The following DCTD variants were observed in gnomAD, a reference collection of about 807,000 sequenced individuals.
DCTD encodes the protein dCMP deaminase, also known as deoxycytidylate deaminase.
DCTD carries 23 observed loss-of-function variants against 21.0 expected under a neutral mutation model. The observed-to-expected ratio is 1.09, with a 90% CI of 0.79 to 1.55. DCTD has a LOEUF of 1.55. DCTD is among the 40% of genes most tolerant of loss of function. DCTD has a pLI of 0.00. For missense variants in DCTD, 224 were observed against 230.0 expected (o/e 0.97, Z 0.17); for synonymous variants, 71 against 81.1 (o/e 0.88, Z 0.67).
intron 3 of DCTD, among the ~76,000 whole-genome samples, chr4:182,903,890 A>T (rs994879709): frequency 1.6e-4 from 25 of 152,146 alleles, no homozygotes; most frequent in Non-Finnish European, 1.0e-4. Context: ...AAATAGAGAG[A>T]AAAGTCCCTC....
In DCTD at chr4:182,913,514, T is replaced by C. The variant is rs545968351; in HGVS notation, c.244+1409A>G. Among the ~76,000 whole-genome samples, 6 of 152,334 alleles carry C rather than the reference T, an allele frequency of 3.9e-5. No homozygotes were observed. In the East Asian group the frequency reaches 1.2e-3, roughly 29 times the overall value. ...TAACATGATTGAGGTCCAGGAACAT[T>C]AGTAAAAATATATAAATTAGACTAA... On this transcript the variant is annotated intron_variant, in intron 3 of 5. Transcript: ENST00000438320.
chr4:182,910,197 A>G (rs1053181666), intron 3 of DCTD, among the ~76,000 whole-genome samples: 1 of 152,172 alleles, frequency 6.6e-6, no homozygotes, highest in Non-Finnish European at 1.5e-5. Context: ...CCAAGCACAG[A>G]GGCACTCACC....
At chr4:182,893,387 C>A (rs1734165902) in intron 4 of DCTD, among the ~76,000 whole-genome samples, 1 of 152,122 alleles carries the variant, frequency 6.6e-6, no homozygotes, top group Admixed American at 6.5e-5. Flanking sequence ...AGTAGTCAAG[C>A]CTTGATCCGA....
At chr4:182,915,406 G>T in intron 2 of DCTD, 55 bp downstream of exon 2, 1 of 1,164,172 alleles carries the variant, frequency 8.6e-7, no homozygotes, top group South Asian at 1.2e-5. Context: ...CTGCTCATGT[G>T]CAGTAATCTC....
rs959160859 is a variant in DCTD at position 182,891,130 on chromosome 4, C to T, written c.*269G>A. On this transcript the variant is annotated 3_prime_UTR_variant, in exon 6 of 6. Coordinates refer to ENST00000438320, the MANE Select transcript of DCTD (RefSeq NM_001921.3). Reference sequence around the variant, plus strand: ...CCACCAGCATCCCAGCCAGCCAGGACACAAGAAGGGGAGGCACTCTCGTTC... The same window carrying T: ...CCACCAGCATCCCAGCCAGCCAGGATACAAGAAGGGGAGGCACTCTCGTTC... 1.1e-5 allele frequency: 4 copies of T among 360,038 alleles called. No individual in the cohort carries two copies. The highest frequency in any genetic ancestry group is 2.0e-5 in the Non-Finnish European group (4 of 199,470). 22.3% of individuals were successfully genotyped at this position (360,038 alleles called of 1,614,324 possible).
At chr4:182,917,456 G>A (rs1738951322), upstream of DCTD, 2 of 596,650 alleles carry the variant, frequency 3.4e-6, no homozygotes, top group Non-Finnish European at 4.3e-6. This position sits in a 1 kb window ranked among gnomAD's most constrained non-coding sequence, Gnocchi z 4.9. Flanking sequence ...GACGGCGGCT[G>A]GCCCCGGGGG....
At chr4:182,914,603 G>A (rs1214350731) in intron 3 of DCTD, among the ~76,000 whole-genome samples, 3 of 152,228 alleles carry the variant, frequency 2.0e-5, no homozygotes, top group Non-Finnish European at 4.4e-5. Context: ...GCAAGGGGCT[G>A]TGACCCTCTG....
intron 3 of DCTD, among the ~76,000 whole-genome samples, chr4:182,896,419 T>C (rs1734739521): frequency 6.6e-6 from 1 of 152,222 alleles, no homozygotes; most frequent in African/African-American, 2.4e-5. Context: ...CAGTCCTGCC[T>C]AAAACTGAGC....
At chr4:182,907,334 C>T (rs1736903028) in intron 3 of DCTD, among the ~76,000 whole-genome samples, 2 of 152,122 alleles carry the variant, frequency 1.3e-5, no homozygotes, top group Non-Finnish European at 1.5e-5. Context: ...GACGGGATTT[C>T]GCCATGTTGC....
chr4:182,898,360 C>T (rs139160154), intron 3 of DCTD, among the ~76,000 whole-genome samples: 5 of 152,308 alleles, frequency 3.3e-5, no homozygotes, highest in Admixed American at 6.5e-5. Context: ...GCTTGGAAGC[C>T]GGATGACCTT....
At chr4:182,910,790 G>T (rs1737536743) in intron 3 of DCTD, among the ~76,000 whole-genome samples, 1 of 152,074 alleles carries the variant, frequency 6.6e-6, no homozygotes, top group Middle Eastern at 3.2e-3. Flanking sequence ...GTTTTATGAA[G>T]TTTTGATCCC....
intron 3 of DCTD, among the ~76,000 whole-genome samples, chr4:182,896,171 G>A (rs3886768): frequency 0.19 from 29,448 of 152,030 alleles, 3,099 homozygotes; most frequent in Non-Finnish European, 0.24. Context: ...TTTCAGTCCC[G>A]ACTCACTTGC....
Position 182,890,777 on chromosome 4 carries a change from A to T in DCTD, c.*622T>A, listed in dbSNP as rs1010655057. 11 of 152,390 alleles carry T rather than the reference A, an allele frequency of 7.2e-5. No individual in the cohort carries two copies. Among genetic ancestry groups the T allele is most frequent in the African/African-American group, 2.7e-4 (11 of 41,468 alleles). The allele number at this position is 152,390 out of a possible 1,614,324, so 9.4% of individuals were successfully genotyped here. A position where few individuals can be genotyped will look rare whatever the true frequency, so the allele number is the denominator to read the frequency against. On this transcript the variant is annotated 3_prime_UTR_variant, in exon 6 of 6. Coordinates refer to ENST00000438320, the MANE Select transcript of DCTD (RefSeq NM_001921.3). Reference sequence around the variant, plus strand: ...ACCACCCTGTGTGCAGTGGGAGAGCAGGAATGGAGGAAATATTCCTGGTTC... The same window carrying T: ...ACCACCCTGTGTGCAGTGGGAGAGCTGGAATGGAGGAAATATTCCTGGTTC...
Position 182,890,342 on chromosome 4 carries a change from G to A in DCTD, c.*1057C>T, listed in dbSNP as rs1276036739. On this transcript the variant is annotated 3_prime_UTR_variant, in exon 6 of 6. Coordinates refer to ENST00000438320, the MANE Select transcript of DCTD (RefSeq NM_001921.3). ...ACAGCCACACGCTCCCCGCCCCGCG[G>A]TGATTAGGAAGGTGATGCTTGTGTA... 1 of 152,278 alleles carries A rather than the reference G, an allele frequency of 6.6e-6. No individual in the cohort carries two copies. The highest frequency in any genetic ancestry group is 6.5e-5 in the Admixed American group (1 of 15,286). 9.4% of individuals were successfully genotyped at this position (152,278 alleles called of 1,614,324 possible).
intron 3 of DCTD, among the ~76,000 whole-genome samples, chr4:182,914,244 G>A (rs1738271929): frequency 6.6e-6 from 1 of 152,222 alleles, no homozygotes; most frequent in Non-Finnish European, 1.5e-5. Context: ...CTGACCTCAG[G>A]TGATCTGCCC....
At chr4:182,912,268 T>A (rs1383873859) in intron 3 of DCTD, among the ~76,000 whole-genome samples, 1 of 152,150 alleles carries the variant, frequency 6.6e-6, no homozygotes, top group South Asian at 2.1e-4. Context: ...AGACAACAAG[T>A]GTACAGTTTA....
At chr4:182,914,298 G>A (rs1738288357) in intron 3 of DCTD, among the ~76,000 whole-genome samples, 1 of 152,208 alleles carries the variant, frequency 6.6e-6, no homozygotes, top group African/African-American at 2.4e-5. Flanking sequence ...GTGAGCCATC[G>A]TGCCCAGCCT....
chr4:182,894,486 T>C lies in DCTD; in HGVS notation c.361+3A>G, dbSNP rs1448259602. ...GTGACAAATGGAAAGACCCGGTTCC[T>C]ACCTGCCTGGATGATGAGCTTAGCG... On this transcript the variant is annotated splice_donor_region_variant and intron_variant, in intron 4 of 5. Transcript: ENST00000438320. The C allele has an allele frequency of 3.8e-6, 6 of 1,589,348 alleles. No homozygotes were observed. Among genetic ancestry groups the C allele is most frequent in the South Asian group, 1.1e-5 (1 of 90,560 alleles).
chr4:182,915,898 C>CTTT, intron 1 of DCTD: 1 of 1,102,374 alleles, frequency 9.1e-7, no homozygotes, highest in Admixed American at 4.5e-5. Flanking sequence ...CCTTACAAAG[C>CTTT]GGAGTCAGCA....
Sources: gnomAD v4.1 joint callset for allele counts (sites outside exome capture counted in the v4.1 genomes callset) on GRCh38, gnomAD v4.1.1 for gene constraint, Gnocchi (gnomAD v3.1) non-coding constraint, MANE v1.5 for transcripts, NCBI Gene and HGNC (gene_info 2026-07-23, HGNC 2026-07-21) for gene names.